The following SQOR variants were observed in gnomAD, a reference collection of about 807,000 sequenced individuals.
SQOR encodes sulfide quinone oxidoreductase, also known as sulfide:quinone oxidoreductase, mitochondrial.
A neutral mutation model predicts 48.6 loss-of-function variants in SQOR; 39 were observed. The ratio of observed to expected loss-of-function variants is 0.80; its 90% CI spans 0.62 to 1.05. SQOR has a LOEUF of 1.05. Ranked by LOEUF, SQOR falls within the 50% of genes least tolerant of loss-of-function variation. SQOR has a pLI of 0.00. For synonymous variants in SQOR, 220 were observed against 206.2 expected (o/e 1.07, Z -0.57); for missense variants, 561 against 559.9 (o/e 1.00, Z -0.02).
intron 1 of SQOR, among the ~76,000 whole-genome samples, chr15:45,636,634 C>A (rs1407651951): frequency 6.6e-6 from 1 of 151,974 alleles, no homozygotes; most frequent in Non-Finnish European, 1.5e-5. Context: ...GATCTCTTGA[C>A]CTTGTGATAC....
chr15:45,677,965 C>T (rs576661947), intron 6 of SQOR, among the ~76,000 whole-genome samples: 1 of 152,322 alleles, frequency 6.6e-6, no homozygotes, highest in South Asian at 2.1e-4. Context: ...GCTCGGCCTC[C>T]TGAAGTGCTG....
At chr15:45,689,015 A>C (rs1372368283) in intron 8 of SQOR, 24 bp from the exon 9 acceptor site, 2 of 1,608,284 alleles carry the variant, frequency 1.2e-6, no homozygotes, top group African/African-American at 1.3e-5. Flanking sequence ...CTACTTTCCA[A>C]CTCAGTCTGA....
In SQOR at chr15:45,670,158, T is replaced by C. The variant is rs11855550; in HGVS notation, c.459+177T>C. On this transcript the variant is annotated intron_variant, in intron 4 of 9. Transcript: ENST00000260324. ...TAAGGAAGTCTTCTCTAAGATTCTG[T>C]CGATAATAACCATATGTTCTAGCTT... Among the ~76,000 whole-genome samples, 451 of 152,362 alleles carry C rather than the reference T, an allele frequency of 3.0e-3. 1 individual carries two copies. The highest frequency in any genetic ancestry group is 4.6e-3 in the Non-Finnish European group (314 of 68,038).
intron 7 of SQOR, among the ~76,000 whole-genome samples, 180 bp from the exon 8 acceptor site, chr15:45,688,157 A>G (rs890334484): frequency 2.0e-5 from 3 of 152,218 alleles, no homozygotes; most frequent in Admixed American, 6.5e-5. Flanking sequence ...CAGGCCTTCC[A>G]TGAATTAAAG....
rs541023129 is a variant in SQOR at position 45,669,294 on chromosome 15, C to G, written c.406-634C>G. 2.6e-5 allele frequency among the ~76,000 whole-genome samples: 4 copies of G among 152,080 alleles called. No homozygotes were observed. The South Asian group carries it at 8.3e-4, about 32-fold the overall frequency. On this transcript the variant is annotated intron_variant, in intron 3 of 9. Coordinates refer to ENST00000260324, the MANE Select transcript of SQOR (RefSeq NM_021199.4). The stretch of plus-strand genomic sequence containing the variant: ...AAGCGATTCTCCCACTTCAGCCCCC[C>G]TGGGGACTACAGGTGCATGCCACCG...
chr15:45,652,700 G>A (rs1036621586), intron 1 of SQOR, among the ~76,000 whole-genome samples: 4 of 134,468 alleles, frequency 3.0e-5, no homozygotes, highest in African/African-American at 5.7e-5. Flanking sequence ...GGCCGGGCAC[G>A]GTGGCTCACA....
At chr15:45,678,849 G>T (rs1890079122) in intron 6 of SQOR, among the ~76,000 whole-genome samples, 1 of 152,074 alleles carries the variant, frequency 6.6e-6, no homozygotes, top group African/African-American at 2.4e-5. Flanking sequence ...CTCCTCAAAT[G>T]GCCTCACTCA....
chr15:45,689,859 A>G (rs1890290526), intron 9 of SQOR, among the ~76,000 whole-genome samples: 1 of 152,142 alleles, frequency 6.6e-6, no homozygotes, highest in Admixed American at 6.6e-5. Flanking sequence ...GGCCATTAGC[A>G]GTGTCATGCT....
chr15:45,661,002 C>T (rs1889707369), intron 2 of SQOR, among the ~76,000 whole-genome samples: 1 of 152,134 alleles, frequency 6.6e-6, no homozygotes, highest in Non-Finnish European at 1.5e-5. Flanking sequence ...TGGACTGTTG[C>T]TGGGCACAGT....
intron 4 of SQOR, among the ~76,000 whole-genome samples, chr15:45,673,317 C>A (rs556927477): frequency 6.6e-6 from 1 of 152,142 alleles, no homozygotes; most frequent in Non-Finnish European, 1.5e-5. Flanking sequence ...GGCTGGCTGG[C>A]GTCTTGTCCT....
chr15:45,668,843 T>C (rs1004719422), intron 3 of SQOR, among the ~76,000 whole-genome samples: 1 of 152,206 alleles, frequency 6.6e-6, no homozygotes, highest in African/African-American at 2.4e-5. Context: ...TACGGCCACT[T>C]TGTTTACACT....
At chr15:45,687,886 C>G (rs1337308829) in intron 7 of SQOR, among the ~76,000 whole-genome samples, 1 of 152,178 alleles carries the variant, frequency 6.6e-6, no homozygotes, top group East Asian at 1.9e-4. Flanking sequence ...CCACCTGGTC[C>G]TGCCTCAGCC....
At chr15:45,682,174 A>AT (rs1333094035) in intron 6 of SQOR, among the ~76,000 whole-genome samples, 2 of 152,110 alleles carry the variant, frequency 1.3e-5, no homozygotes, top group African/African-American at 2.4e-5. Flanking sequence ...ACATCAATGG[A>AT]TTTTTTCAGA....
chr15:45,689,415 TAC>T (rs1890281565), intron 9 of SQOR, 198 bp downstream of exon 9: 1 of 434,454 alleles, frequency 2.3e-6, no homozygotes, highest in South Asian at 3.8e-5. Flanking sequence ...TCTGCTACCT[TAC>T]TTTTTTTTTT....
In SQOR at chr15:45,691,250, C is replaced by A; in HGVS notation, c.*220C>A. On this transcript the variant is annotated 3_prime_UTR_variant, in exon 10 of 10. Transcript: ENST00000260324. ...TTGGGAATAATAAAATGAAATAATA[C>A]TTTTATTTTCTGAATAAAAGTTTGT... is the stretch of plus-strand genomic sequence containing the variant. 1.9e-6 allele frequency: 1 copy of A among 512,998 alleles called. No homozygotes were observed. The highest frequency in any genetic ancestry group is 3.4e-6 in the Non-Finnish European group (1 of 290,078). 31.8% of individuals were successfully genotyped at this position (512,998 alleles called of 1,614,324 possible). A position where few individuals can be genotyped will look rare whatever the true frequency, so the allele number is the denominator to read the frequency against.
At chr15:45,675,782 G>T (rs1890025366) in intron 5 of SQOR, among the ~76,000 whole-genome samples, 1 of 152,132 alleles carries the variant, frequency 6.6e-6, no homozygotes, top group Non-Finnish European at 1.5e-5. Context: ...AATATTTATT[G>T]AGTAAATGAA....
intron 2 of SQOR, among the ~76,000 whole-genome samples, chr15:45,660,847 G>T (rs1889704704): frequency 1.3e-5 from 2 of 152,074 alleles, no homozygotes; most frequent in Non-Finnish European, 2.9e-5. Context: ...GGCAGTGCTG[G>T]CCAGCTACTT....
intron 5 of SQOR, among the ~76,000 whole-genome samples, chr15:45,674,497 A>G (rs567398609): frequency 1.3e-5 from 2 of 152,254 alleles, no homozygotes; most frequent in South Asian, 2.1e-4. Context: ...AAATATTTCC[A>G]TATAGTTAGA....
At chr15:45,671,580 C>T (rs1889944950) in intron 4 of SQOR, among the ~76,000 whole-genome samples, 1 of 152,176 alleles carries the variant, frequency 6.6e-6, no homozygotes, top group African/African-American at 2.4e-5. Context: ...ACTTGGGACT[C>T]TTTGATTGCA....
Sources: allele counts gnomAD v4.1 joint callset (sites outside exome capture counted in the v4.1 genomes callset), GRCh38; gene constraint gnomAD v4.1.1; transcripts MANE v1.5; gene names NCBI Gene and HGNC (gene_info 2026-07-23, HGNC 2026-07-21).